The following PRPSAP2 variants were observed in gnomAD, a reference collection of about 807,000 sequenced individuals.
PRPSAP2 encodes phosphoribosyl pyrophosphate synthase-associated protein 2.
A neutral mutation model predicts 40.6 loss-of-function variants in PRPSAP2; 24 were observed. The ratio of observed to expected loss-of-function variants is 0.59; its 90% CI spans 0.43 to 0.83. PRPSAP2 has a LOEUF of 0.83. PRPSAP2 is among the 40% of genes least tolerant of loss of function. PRPSAP2 has a pLI of 0.00. For missense variants in PRPSAP2, 292 were observed against 465.6 expected (o/e 0.63, Z 3.43); for synonymous variants, 149 against 164.7 (o/e 0.90, Z 0.73).
At chr17:18,875,239 G>A (rs947977430) in intron 5 of PRPSAP2, among the ~76,000 whole-genome samples, 2 of 152,014 alleles carry the variant, frequency 1.3e-5, no homozygotes, top group Non-Finnish European at 2.9e-5. Flanking sequence ...TGGACGTCAT[G>A]GTCTTCTTTG....
At chr17:18,876,623 CAT>C (rs2038317740) in intron 5 of PRPSAP2, among the ~76,000 whole-genome samples, 1 of 152,044 alleles carries the variant, frequency 6.6e-6, no homozygotes. Context: ...TGGAGGAAGA[CAT>C]AAAGTGAGCA....
intron 11 of PRPSAP2, 30 bp downstream of exon 11, chr17:18,928,987 G>T: frequency 6.3e-7 from 1 of 1,593,924 alleles, no homozygotes; most frequent in Non-Finnish European, 8.6e-7. Context: ...TGTGGGTACA[G>T]CTGCCTGGGC....
At position 18,911,999 on chromosome 17, in the gene PRPSAP2, A is replaced by G. The variant is rs1004122466; in HGVS notation, c.733+748A>G. On this transcript the variant is annotated intron_variant, in intron 9 of 11. Transcript: ENST00000268835. The surrounding 1 kb of genome is among the most constrained non-coding windows in gnomAD (Gnocchi z 4.5). ...GGAGTTCGAGACCAGCCTGATCCAC[A>G]TGGAGAAACCCCCTCTCTACTAAAA... Among the ~76,000 whole-genome samples, 6 of 152,190 alleles carry G rather than the reference A, an allele frequency of 3.9e-5. No homozygotes were observed. Among genetic ancestry groups the G allele is most frequent in the African/African-American group, 1.4e-4 (6 of 41,448 alleles).
In PRPSAP2 at chr17:18,882,551, C is replaced by T; in HGVS notation, c.413-17C>T. 1 of 1,412,362 alleles carries T rather than the reference C, an allele frequency of 7.1e-7. No homozygotes were observed. Among genetic ancestry groups the T allele is most frequent in the South Asian group, 1.2e-5 (1 of 81,928 alleles). The allele number at this position is 1,412,362 out of a possible 1,614,324, so 87.5% of individuals were successfully genotyped here. Reference sequence around the variant, plus strand: ...AAACAAAACTATTTATTGCTTGTGTCTGCTTTATTTTCAAAGGTCTAACTC... The same window carrying T: ...AAACAAAACTATTTATTGCTTGTGTTTGCTTTATTTTCAAAGGTCTAACTC... On this transcript the variant is annotated splice_polypyrimidine_tract_variant and intron_variant, in intron 6 of 11. Transcript: ENST00000268835.
At chr17:18,876,032 C>T (rs963484862) in intron 5 of PRPSAP2, among the ~76,000 whole-genome samples, 5 of 152,106 alleles carry the variant, frequency 3.3e-5, no homozygotes, top group African/African-American at 1.2e-4. Context: ...ACTCGGGAGG[C>T]TGAGACAGGA....
At position 18,931,169 on chromosome 17, in the gene PRPSAP2, G is replaced by C. The variant is rs2042228320; in HGVS notation, c.*471G>C. ...GAATATGTGATTGTATTTATTTTCTGCAACTAAAAAAGGAATAAAAACTTG... is the reference window on the plus strand; with the variant it reads ...GAATATGTGATTGTATTTATTTTCTCCAACTAAAAAAGGAATAAAAACTTG... On this transcript the variant is annotated 3_prime_UTR_variant, in exon 12 of 12. Transcript: ENST00000268835. 6.6e-6 allele frequency: 1 copy of C among 152,188 alleles called. No homozygotes were observed. The highest frequency in any genetic ancestry group is 6.6e-5 in the Admixed American group (1 of 15,264). The allele number at this position is 152,188 out of a possible 1,614,324, so 9.4% of individuals were successfully genotyped here. A position where few individuals can be genotyped will look rare whatever the true frequency, so the allele number is the denominator to read the frequency against.
rs531180675 is a variant in PRPSAP2 at position 18,917,688 on chromosome 17, C to T, written c.734-6226C>T. The stretch of plus-strand genomic sequence containing the variant: ...CTGACTGCAAGTGATTCGCCCGCCT[C>T]GGCCTCCCAATGTGCTGGGATTACA... On this transcript the variant is annotated intron_variant, in intron 9 of 11. Coordinates refer to ENST00000268835, the MANE Select transcript of PRPSAP2 (RefSeq NM_002767.4). Among the ~76,000 whole-genome samples the T allele has an allele frequency of 1.9e-4, 28 of 146,946 alleles. No homozygotes were observed. In the East Asian group the frequency reaches 5.5e-3, roughly 29 times the overall value.
chr17:18,895,498 T>C (rs2039860330), intron 8 of PRPSAP2, among the ~76,000 whole-genome samples: 1 of 152,086 alleles, frequency 6.6e-6, no homozygotes, highest in African/African-American at 2.4e-5. Flanking sequence ...TTATTGTGTC[T>C]AGTTATTCTG....
intron 8 of PRPSAP2, among the ~76,000 whole-genome samples, chr17:18,892,688 A>AGAGTGT (rs1555554086): frequency 2.7e-5 from 2 of 75,382 alleles, no homozygotes; most frequent in African/African-American, 9.5e-5. Context: ...CAGCCTGTTG[A>AGAGTGT]GTGTGTGTGT....
chr17:18,903,335 G>A (rs999171088), intron 8 of PRPSAP2, among the ~76,000 whole-genome samples: 2 of 151,522 alleles, frequency 1.3e-5, no homozygotes, highest in South Asian at 2.1e-4. Context: ...ATGAATGAAC[G>A]TGTGTTTTAG....
intron 5 of PRPSAP2, among the ~76,000 whole-genome samples, chr17:18,876,995 A>G (rs993004619): frequency 4.6e-5 from 7 of 152,130 alleles, no homozygotes; most frequent in African/African-American, 1.7e-4. Context: ...TTAGATGAGA[A>G]GCCCAAAGGA....
At chr17:18,914,249 C>CTGTTTTTTTTT (rs2041154642) in intron 9 of PRPSAP2, among the ~76,000 whole-genome samples, 1 of 48,088 alleles carries the variant, frequency 2.1e-5, no homozygotes, top group Non-Finnish European at 3.4e-5. Context: ...CATGTTTTTG[C>CTGTTTTTTTTT]TTTTTTTTTT....
At chr17:18,927,405 G>T (rs990526596) in intron 10 of PRPSAP2, among the ~76,000 whole-genome samples, 1 of 152,136 alleles carries the variant, frequency 6.6e-6, no homozygotes, top group Non-Finnish European at 1.5e-5. Context: ...GGAATCTATG[G>T]TATATAACCT....
intron 4 of PRPSAP2, among the ~76,000 whole-genome samples, chr17:18,871,497 T>C (rs2037866860): frequency 6.6e-6 from 1 of 152,196 alleles, no homozygotes; most frequent in Non-Finnish European, 1.5e-5. Context: ...TGTCCCATTA[T>C]GGATTTGTCT....
intron 11 of PRPSAP2, 36 bp from the exon 12 acceptor site, chr17:18,930,504 T>A: frequency 6.3e-7 from 1 of 1,598,072 alleles, no homozygotes; most frequent in Non-Finnish European, 8.5e-7. Flanking sequence ...CTACTTGGCT[T>A]TCTGATGCTG....
At chr17:18,912,912 A>C (rs1214758301) in intron 9 of PRPSAP2, among the ~76,000 whole-genome samples, 3 of 152,208 alleles carry the variant, frequency 2.0e-5, no homozygotes, top group African/African-American at 7.2e-5. Flanking sequence ...GACAAACAAC[A>C]TTAAATCTTA....
At chr17:18,906,056 A>G (rs981623424) in intron 8 of PRPSAP2, among the ~76,000 whole-genome samples, 1 of 152,346 alleles carries the variant, frequency 6.6e-6, no homozygotes, top group African/African-American at 2.4e-5. Flanking sequence ...TTACACACAC[A>G]TAGATAAATA....
chr17:18,914,249 CTTTTT>C (rs60892883), intron 9 of PRPSAP2, among the ~76,000 whole-genome samples: 20 of 48,092 alleles, frequency 4.2e-4, no homozygotes, highest in South Asian at 1.2e-3. Context: ...CATGTTTTTG[CTTTTT>C]TTTTTTTTTT....
chr17:18,868,373 G>T (rs2037581683), intron 4 of PRPSAP2, among the ~76,000 whole-genome samples: 1 of 152,092 alleles, frequency 6.6e-6, no homozygotes, highest in Non-Finnish European at 1.5e-5. Flanking sequence ...TCCTGGGAAG[G>T]CTGAGGCAGG....
Sources: gnomAD v4.1 joint callset for allele counts (sites outside exome capture counted in the v4.1 genomes callset) on GRCh38, gnomAD v4.1.1 for gene constraint, Gnocchi (gnomAD v3.1) non-coding constraint, MANE v1.5 for transcripts, NCBI Gene and HGNC (gene_info 2026-07-23, HGNC 2026-07-21) for gene names.